SYNE1: variants seen among roughly 807,000 people sequenced by gnomAD.
The protein encoded by SYNE1 is spectrin repeat containing nuclear envelope protein 1, also known as nesprin-1.
A neutral mutation model predicts 1,111.0 loss-of-function variants in SYNE1; 616 were observed. That is an observed-to-expected ratio of 0.55 (90% CI 0.52 to 0.59). SYNE1 has a LOEUF of 0.59. Ranked by LOEUF, SYNE1 falls within the 20% of genes least tolerant of loss-of-function variation. The pLI, the probability that SYNE1 is intolerant of heterozygous loss-of-function variation, is 0.00. For missense variants in SYNE1, 10,006 were observed against 10,417.0 expected (o/e 0.96, Z 1.72); for synonymous variants, 3,855 against 3,825.8 (o/e 1.01, Z -0.28).
At chr6:152,489,167 C>T (rs1046267563) in intron 11 of SYNE1, among the ~76,000 whole-genome samples, 8 of 152,062 alleles carry the variant, frequency 5.3e-5, no homozygotes, top group African/African-American at 1.7e-4. Flanking sequence ...ATGACAAGGG[C>T]CATTCTATAA....
intron 90 of SYNE1, among the ~76,000 whole-genome samples, 199 bp downstream of exon 90, chr6:152,309,635 TA>T (rs1212306410): frequency 6.6e-6 from 1 of 152,190 alleles, no homozygotes; most frequent in Non-Finnish European, 1.5e-5. Flanking sequence ...TCACCAAGGA[TA>T]TTTTTTATAT....
intron 145 of SYNE1, 41 bp downstream of exon 145, chr6:152,130,679 T>A (rs780545239): frequency 6.2e-7 from 1 of 1,607,716 alleles, no homozygotes; most frequent in Non-Finnish European, 8.5e-7. Context: ...ATCATCCTCT[T>A]GGGGTTCTAG....
At chr6:152,440,877 T>A (rs959318132) in intron 32 of SYNE1, among the ~76,000 whole-genome samples, 3 of 152,148 alleles carry the variant, frequency 2.0e-5, no homozygotes, top group African/African-American at 7.2e-5. Context: ...TGCCTCCAGA[T>A]TTTAAAAACT....
intron 53 of SYNE1, among the ~76,000 whole-genome samples, chr6:152,388,486 G>T (rs2097557538): frequency 6.6e-6 from 1 of 152,090 alleles, no homozygotes; most frequent in African/African-American, 2.4e-5. Context: ...TTTTGTAGAG[G>T]CATAGTTTTG....
intron 91 of SYNE1, among the ~76,000 whole-genome samples, chr6:152,307,164 C>T (rs1301419156): frequency 2.0e-5 from 3 of 151,990 alleles, no homozygotes; most frequent in Non-Finnish European, 4.4e-5. Flanking sequence ...TTTCATTTAA[C>T]CATTGTGTAA....
chr6:152,142,527 A>G (rs1357237692), intron 138 of SYNE1, among the ~76,000 whole-genome samples: 1 of 152,256 alleles, frequency 6.6e-6, no homozygotes. Flanking sequence ...TATCACATAC[A>G]GTATTCAAAG....
intron 23 of SYNE1, 72 bp downstream of exon 23, chr6:152,455,814 C>T (rs192742297): frequency 6.4e-4 from 1,027 of 1,601,674 alleles, no homozygotes; most frequent in Non-Finnish European, 7.5e-4. Flanking sequence ...ACCAAAAGCA[C>T]GAGTGATGGT....
At chr6:152,442,047 T>A in intron 31 of SYNE1, 28 bp downstream of exon 31, 2 of 1,613,630 alleles carry the variant, frequency 1.2e-6, no homozygotes, top group Non-Finnish European at 1.7e-6. Flanking sequence ...AGCCTCTGTT[T>A]AAATGGCCCC....
chr6:152,199,297 T>C (rs960167941), intron 127 of SYNE1, among the ~76,000 whole-genome samples: 1 of 152,228 alleles, frequency 6.6e-6, no homozygotes. Flanking sequence ...ATCACACTGA[T>C]GAAATATTTT....
Position 152,330,676 on chromosome 6 carries a change from A to G in SYNE1, c.14009T>C (p.Ile4670Thr). The G allele has an allele frequency of 6.2e-7, 1 of 1,613,992 alleles. No individual in the cohort carries two copies. The highest frequency in any genetic ancestry group is 8.5e-7 in the Non-Finnish European group (1 of 1,180,038). The change falls in exon 78 of 146, where the codon ATT becomes ACT. Residue 4670 changes from isoleucine (I) to threonine (T), a missense_variant. Coordinates refer to ENST00000367255, the MANE Select transcript of SYNE1 (RefSeq NM_182961.4). ...KDKFYKVQEA[I>T]LARKEYASLI... The stretch of plus-strand genomic sequence containing the variant: ...GGAAGCATATTCCTTCCGAGCAAGA[A>G]TTGCTTCCTGGACTTTATAGAACTT...
At chr6:152,161,101 A>T (rs1586559046) in intron 131 of SYNE1, among the ~76,000 whole-genome samples, 2 of 150,670 alleles carry the variant, frequency 1.3e-5, no homozygotes, top group African/African-American at 2.4e-5. Context: ...AATCCAATTC[A>T]GTTATTTTAT....
chr6:152,591,905 C>A (rs1366876206), intron 3 of SYNE1, among the ~76,000 whole-genome samples: 2 of 152,074 alleles, frequency 1.3e-5, no homozygotes, highest in African/African-American at 4.8e-5. Context: ...ATGTAGCCAA[C>A]AAGTATATAA....
In SYNE1 at chr6:152,465,366, C is replaced by T. The variant is rs573477137; in HGVS notation, c.1824G>A (p.Leu608=). 1 of 1,613,882 alleles carries T rather than the reference C, an allele frequency of 6.2e-7. No homozygotes were observed. The highest frequency in any genetic ancestry group is 1.3e-5 in the African/African-American group (1 of 75,012). Residue 608 remains leucine, a synonymous_variant, in exon 18 of 146, where the codon CTG becomes CTA. Coordinates refer to ENST00000367255, the MANE Select transcript of SYNE1 (RefSeq NM_182961.4). ...GATCCCAGTTAGAGATCACTTCTTCCAGCATGCTCCTCACACTCCTCACTT... is the reference window on the plus strand; with the variant it reads ...GATCCCAGTTAGAGATCACTTCTTCTAGCATGCTCCTCACACTCCTCACTT... ...SVEVRSVRSM[L]EEVISNWDRY...
In SYNE1 at chr6:152,404,261, A is replaced by G; in HGVS notation, c.6777T>C (p.Asn2259=). The G allele has an allele frequency of 3.1e-6, 5 of 1,613,178 alleles. No individual in the cohort carries two copies. Among genetic ancestry groups the G allele is most frequent in the Non-Finnish European group, 4.2e-6 (5 of 1,179,790 alleles). The change falls in exon 46 of 146, where the codon AAT becomes AAC. Residue 2259 remains asparagine (N), a synonymous_variant. Transcript: ENST00000367255. ...GATTTTTAGTTAATTCTTTCAGATC[A>G]TTAACTTTGGAATGCAGTTCTTCCA... ...LRLEELHSKV[N]DLKELTKNLE... is the part of the protein sequence containing the mutation.
At chr6:152,514,649 A>T (rs1284142235) in intron 6 of SYNE1, among the ~76,000 whole-genome samples, 2 of 150,480 alleles carry the variant, frequency 1.3e-5, no homozygotes, top group East Asian at 3.9e-4. Context: ...AAAAAAAAAC[A>T]ATGAATACCA....
intron 11 of SYNE1, among the ~76,000 whole-genome samples, chr6:152,494,108 C>T (rs1412087976): frequency 1.3e-5 from 2 of 152,168 alleles, no homozygotes; most frequent in African/African-American, 2.4e-5. Context: ...CTGAGCTGGC[C>T]TTCATGTCTG....
chr6:152,236,038 C>A (rs1441793596), intron 110 of SYNE1, 69 bp downstream of exon 110: 20 of 1,530,400 alleles, frequency 1.3e-5, no homozygotes, highest in Non-Finnish European at 1.7e-5. Context: ...CATCATCCCC[C>A]ACCCGCACTA....
rs752182885 is a variant in SYNE1 at position 152,444,412 on chromosome 6, T to C, written c.3836A>G (p.Gln1279Arg). The C allele has an allele frequency of 6.2e-7, 1 of 1,613,732 alleles. No individual in the cohort carries two copies. The highest frequency in any genetic ancestry group is 8.5e-7 in the Non-Finnish European group (1 of 1,179,876). ...FEAQQLLLHH[Q>R]QKTKRISAKK... ...GTTGGAAGAAAGAGGCATTTTTACC[T>C]GGTGATGAAGAAGTAACTGCTGTGC... is the stretch of plus-strand genomic sequence containing the variant. Residue 1279 changes from glutamine (Q) to arginine (R), a missense_variant and splice_region_variant, in exon 30 of 146, where the codon CAG becomes CGG. By Grantham distance (43) the Gln-to-Arg change is conservative. Coordinates refer to ENST00000367255, the MANE Select transcript of SYNE1 (RefSeq NM_182961.4).
At chr6:152,413,600 G>A in intron 41 of SYNE1, 69 bp from the exon 42 acceptor site, 1 of 1,494,540 alleles carries the variant, frequency 6.7e-7, no homozygotes, top group Non-Finnish European at 9.3e-7. Context: ...TTCTCCGTAA[G>A]TATATGATGA....
Sources: allele counts gnomAD v4.1 joint callset (sites outside exome capture counted in the v4.1 genomes callset), GRCh38; gene constraint gnomAD v4.1.1; transcripts MANE v1.5; gene names NCBI Gene and HGNC (gene_info 2026-07-23, HGNC 2026-07-21).